DENND1A: variants seen among roughly 807,000 people sequenced by gnomAD.
DENND1A encodes DENN domain-containing protein 1A.
A neutral mutation model predicts 113.7 loss-of-function variants in DENND1A; 51 were observed. The observed-to-expected ratio is 0.45, with a 90% CI of 0.36 to 0.57. The LOEUF is 0.57. Ranked by LOEUF, DENND1A falls within the 20% of genes least tolerant of loss-of-function variation. The pLI is 0.00. For synonymous variants in DENND1A, 565 were observed against 570.8 expected (o/e 0.99, Z 0.14); for missense variants, 1,258 against 1,395.9 (o/e 0.90, Z 1.57).
chr9:123,726,407 C>T (rs939286823), intron 5 of DENND1A, among the ~76,000 whole-genome samples: 1 of 152,210 alleles, frequency 6.6e-6, no homozygotes, highest in Non-Finnish European at 1.5e-5. Context: ...ACACTCCATG[C>T]TGCCTCTCCC....
chr9:123,459,531 C>T (rs992383890), intron 13 of DENND1A, among the ~76,000 whole-genome samples: 1 of 151,610 alleles, frequency 6.6e-6, no homozygotes, highest in African/African-American at 2.4e-5. Context: ...GAAGACGATA[C>T]CCTGAGTTAA....
rs1833556545 is a variant in DENND1A, at chr9:123,795,029, G to GAATA, written c.89-2403_89-2400dup. Among the ~76,000 whole-genome samples the GAATA allele has an allele frequency of 2.6e-5, 4 of 152,184 alleles. No individual in the cohort carries two copies. The South Asian group carries it at 8.3e-4, about 32-fold the overall frequency. On this transcript the variant is annotated intron_variant, in intron 2 of 23. Coordinates refer to ENST00000394215, the MANE Select transcript of DENND1A (RefSeq NM_001352964.2). Reference sequence around the variant, plus strand: ...GTTTTAACACAATAACGTTCCAAGAGAATACATGCATTATTAGTTACTATG... The same window carrying GAATA: ...GTTTTAACACAATAACGTTCCAAGAGAATAAATACATGCATTATTAGTTACTATG...
At chr9:123,634,412 A>G (rs2061612777) in intron 9 of DENND1A, among the ~76,000 whole-genome samples, 1 of 152,232 alleles carries the variant, frequency 6.6e-6, no homozygotes, top group Non-Finnish European at 1.5e-5. Flanking sequence ...ACTTAAGGAC[A>G]GTCAGTTGAT....
At chr9:123,483,822 C>G (rs988703192) in intron 13 of DENND1A, among the ~76,000 whole-genome samples, 6 of 152,218 alleles carry the variant, frequency 3.9e-5, no homozygotes, top group Non-Finnish European at 5.9e-5. Context: ...GAGGCACAGA[C>G]AGATTTCACA....
intron 13 of DENND1A, among the ~76,000 whole-genome samples, chr9:123,554,568 C>T (rs2057315242): frequency 6.6e-6 from 1 of 152,196 alleles, no homozygotes; most frequent in African/African-American, 2.4e-5. Context: ...ATGGTGATGA[C>T]CACGACTTGA....
At chr9:123,765,141 C>G (rs1927237) in intron 4 of DENND1A, among the ~76,000 whole-genome samples, 18,075 of 152,110 alleles carry the variant, frequency 0.12, 1,416 homozygotes, top group African/African-American at 0.22. Context: ...ATATATATTG[C>G]TTTATTGCTT....
intron 9 of DENND1A, among the ~76,000 whole-genome samples, chr9:123,631,491 T>G (rs2061474338): frequency 6.6e-6 from 1 of 152,234 alleles, no homozygotes; most frequent in African/African-American, 2.4e-5. Flanking sequence ...ATCCTTAATT[T>G]TCTTTGAATT....
At chr9:123,712,888 A>G (rs2066725317) in intron 5 of DENND1A, among the ~76,000 whole-genome samples, 1 of 152,252 alleles carries the variant, frequency 6.6e-6, no homozygotes, top group South Asian at 2.1e-4. Context: ...AGTTCTACCT[A>G]AATACCTCAG....
At chr9:123,655,366 A>C (rs943827680) in intron 8 of DENND1A, among the ~76,000 whole-genome samples, 2 of 152,192 alleles carry the variant, frequency 1.3e-5, no homozygotes, top group African/African-American at 4.8e-5. Context: ...AGAACAGTGC[A>C]GTGAGGAATG....
chr9:123,787,696 A>G (rs1832396124), intron 3 of DENND1A, among the ~76,000 whole-genome samples: 1 of 152,124 alleles, frequency 6.6e-6, no homozygotes, highest in Non-Finnish European at 1.5e-5. Flanking sequence ...TTTTTAGTAT[A>G]TAGTTGGTAT....
chr9:123,658,956 A>G (rs895018476), intron 8 of DENND1A, among the ~76,000 whole-genome samples: 19 of 152,212 alleles, frequency 1.2e-4, no homozygotes, highest in African/African-American at 4.3e-4. Flanking sequence ...TACCCACTGA[A>G]GGGTGAATCC....
chr9:123,561,655 T>C (rs1319033354), intron 12 of DENND1A, among the ~76,000 whole-genome samples: 2 of 151,976 alleles, frequency 1.3e-5, no homozygotes, highest in Admixed American at 1.3e-4. Flanking sequence ...CAGGGGTAAT[T>C]TGGGTGTGTT....
At chr9:123,388,766 G>A (rs1039526625) in intron 21 of DENND1A, among the ~76,000 whole-genome samples, 4 of 152,204 alleles carry the variant, frequency 2.6e-5, no homozygotes, top group Non-Finnish European at 2.9e-5. Flanking sequence ...GAGGCCATGT[G>A]CTCAGCAGGG....
At chr9:123,700,141 C>T (rs1326810783) in intron 5 of DENND1A, among the ~76,000 whole-genome samples, 1 of 152,218 alleles carries the variant, frequency 6.6e-6, no homozygotes, top group African/African-American at 2.4e-5. Context: ...GTCTCAATTA[C>T]TGTAGCTCTA....
At chr9:123,448,536 C>T (rs1177436851) in intron 18 of DENND1A, among the ~76,000 whole-genome samples, 1 of 152,188 alleles carries the variant, frequency 6.6e-6, no homozygotes, top group African/African-American at 2.4e-5. Flanking sequence ...AGGGAAAACT[C>T]TCCGCTCCCT....
At chr9:123,778,635 G>A (rs927277171) in intron 3 of DENND1A, among the ~76,000 whole-genome samples, 2 of 152,084 alleles carry the variant, frequency 1.3e-5, no homozygotes, top group African/African-American at 4.8e-5. Context: ...TCTGTCACAT[G>A]TTCTTGTTTG....
chr9:123,703,470 C>T (rs1203667510), intron 5 of DENND1A, among the ~76,000 whole-genome samples: 2 of 151,694 alleles, frequency 1.3e-5, no homozygotes, highest in African/African-American at 2.4e-5. Context: ...TTCATGGTAA[C>T]TACAAAGCAA....
rs1225158449 is a variant in DENND1A at position 123,413,431 on chromosome 9, C to T, written c.1489-1602G>A. On this transcript the variant is annotated intron_variant, in intron 19 of 23. Transcript: ENST00000394215. The stretch of plus-strand genomic sequence containing the variant: ...TTTCTTGGACAGTGCTGATATAGGG[C>T]TCTACTGAGTGGGAGTGACACTTCA... 4 of 985,304 alleles carry T rather than the reference C, an allele frequency of 4.1e-6. No homozygotes were observed. The African/African-American group carries it at 5.2e-5, about 13-fold the overall frequency. 61.0% of individuals were successfully genotyped at this position (985,304 alleles called of 1,614,324 possible).
chr9:123,460,778 G>A (rs533421070), intron 13 of DENND1A, among the ~76,000 whole-genome samples: 1 of 152,358 alleles, frequency 6.6e-6, no homozygotes, highest in South Asian at 2.1e-4. Flanking sequence ...CTTCTGGCTA[G>A]AGTGCTTTCT....
Sources: allele counts gnomAD v4.1 joint callset (sites outside exome capture counted in the v4.1 genomes callset), GRCh38; gene constraint gnomAD v4.1.1; transcripts MANE v1.5; gene names NCBI Gene and HGNC (gene_info 2026-07-23, HGNC 2026-07-21).